TRIO: variants seen among roughly 807,000 people sequenced by gnomAD.
TRIO encodes trio Rho guanine nucleotide exchange factor, also known as triple functional domain protein.
TRIO carries 58 observed loss-of-function variants against 351.9 expected under a neutral mutation model. The observed-to-expected ratio is 0.16, with a 90% CI of 0.13 to 0.21. The LOEUF (loss-of-function observed/expected upper bound fraction) is 0.21. Ranked by LOEUF, TRIO falls within the 10% of genes least tolerant of loss-of-function variation. The pLI is 1.00. For synonymous variants in TRIO, 1,758 were observed against 1,595.7 expected, an observed-to-expected ratio of 1.10 and a Z score of -2.42; for missense variants, 3,201 against 4,027.8, an observed-to-expected ratio of 0.79 and a Z score of 5.56.
At chr5:14,201,121 G>A (rs1249581736) in intron 1 of TRIO, among the ~76,000 whole-genome samples, 1 of 151,994 alleles carries the variant, frequency 6.6e-6, no homozygotes, top group Non-Finnish European at 1.5e-5. Flanking sequence ...TTAGCCGGGC[G>A]TTGTGCCACG....
chr5:14,462,942 G>A lies in TRIO; in HGVS notation c.5667+17G>A. On this transcript the variant is annotated intron_variant, in intron 36 of 56. Coordinates refer to ENST00000344204, the MANE Select transcript of TRIO (RefSeq NM_007118.4). Reference sequence around the variant, plus strand: ...GATGACAAGGTAAAGGGGGATGAGGGCTGGGGAATCCATGCCTGCCGTGCA... The same window carrying A: ...GATGACAAGGTAAAGGGGGATGAGGACTGGGGAATCCATGCCTGCCGTGCA... 6.4e-7 allele frequency: 1 copy of A among 1,552,132 alleles called. No individual in the cohort carries two copies. The highest frequency in any genetic ancestry group is 2.3e-5 in the East Asian group (1 of 43,642).
intron 11 of TRIO, among the ~76,000 whole-genome samples, chr5:14,337,553 A>G (rs1205205687): frequency 1.3e-5 from 2 of 152,276 alleles, no homozygotes; most frequent in East Asian, 1.9e-4. Context: ...ACTGGGGACT[A>G]TGCACATGGA....
intron 34 of TRIO, among the ~76,000 whole-genome samples, chr5:14,425,955 G>A (rs898894168): frequency 5.9e-5 from 9 of 152,158 alleles, no homozygotes; most frequent in African/African-American, 1.7e-4. Flanking sequence ...AAGACATATG[G>A]TAGTTCTACT....
At chr5:14,318,616 T>C (rs908413819) in intron 9 of TRIO, among the ~76,000 whole-genome samples, 12 of 152,240 alleles carry the variant, frequency 7.9e-5, no homozygotes, top group Admixed American at 7.9e-4. Context: ...AATGTTGTTT[T>C]AGTCCAAGAA....
intron 1 of TRIO, among the ~76,000 whole-genome samples, chr5:14,227,339 G>T (rs370366590): frequency 1.3e-5 from 2 of 152,312 alleles, no homozygotes; most frequent in East Asian, 1.9e-4. Flanking sequence ...AAAACTCGAC[G>T]TTTGTGATAA....
chr5:14,152,733 T>C (rs1787911465), intron 1 of TRIO, among the ~76,000 whole-genome samples: 2 of 152,186 alleles, frequency 1.3e-5, no homozygotes, highest in African/African-American at 4.8e-5. Context: ...CTAATATGTC[T>C]TGGGTCCAGG....
intron 34 of TRIO, among the ~76,000 whole-genome samples, chr5:14,457,445 T>C (rs550397491): frequency 7.8e-5 from 11 of 141,772 alleles, no homozygotes; most frequent in Non-Finnish European, 1.1e-4. Flanking sequence ...TTTTAATGCT[T>C]AACCTGCCAG....
chr5:14,505,268 G>T (rs576746123), intron 55 of TRIO, among the ~76,000 whole-genome samples: 2 of 152,240 alleles, frequency 1.3e-5, no homozygotes, highest in African/African-American at 4.8e-5. Flanking sequence ...GGGTGAGTCC[G>T]GCAGGGAGCG....
intron 1 of TRIO, among the ~76,000 whole-genome samples, chr5:14,264,288 AAAAT>A (rs1291243179): frequency 4.6e-5 from 7 of 152,178 alleles, no homozygotes; most frequent in Non-Finnish European, 1.0e-4. Context: ...GAATTAATAA[AAAAT>A]AAACTACTTT....
intron 11 of TRIO, among the ~76,000 whole-genome samples, chr5:14,351,371 A>G (rs1377577333): frequency 6.6e-6 from 1 of 152,200 alleles, no homozygotes; most frequent in Non-Finnish European, 1.5e-5. Flanking sequence ...GTCCTCTGAG[A>G]TTCCACCTGC....
intron 1 of TRIO, among the ~76,000 whole-genome samples, chr5:14,239,560 T>C (rs943482950): frequency 1.3e-5 from 2 of 152,190 alleles, no homozygotes; most frequent in Non-Finnish European, 2.9e-5. Flanking sequence ...TGATCCTCGC[T>C]GACCTCATCA....
intron 1 of TRIO, among the ~76,000 whole-genome samples, chr5:14,149,678 T>G (rs1787712773): frequency 6.6e-6 from 1 of 152,050 alleles, no homozygotes. Context: ...CATACTTGAG[T>G]TTTAGATTAC....
intron 9 of TRIO, among the ~76,000 whole-genome samples, chr5:14,323,273 C>A (rs746360238): frequency 3.3e-5 from 5 of 152,062 alleles, no homozygotes; most frequent in Non-Finnish European, 7.4e-5. Flanking sequence ...CCCTCATTTT[C>A]CAGGTAATAA....
At chr5:14,436,616 T>C (rs183378088) in intron 34 of TRIO, among the ~76,000 whole-genome samples, 2 of 152,324 alleles carry the variant, frequency 1.3e-5, no homozygotes, top group East Asian at 3.9e-4. Flanking sequence ...AAAAGCAGGT[T>C]AGTTACTTCC....
At chr5:14,217,650 A>C (rs1792307097) in intron 1 of TRIO, among the ~76,000 whole-genome samples, 1 of 152,224 alleles carries the variant, frequency 6.6e-6, no homozygotes, top group South Asian at 2.1e-4. Context: ...ATTAATGAGA[A>C]AATGGCTAGG....
chr5:14,503,913 CAG>C (rs1252352993), intron 54 of TRIO, among the ~76,000 whole-genome samples: 1 of 152,218 alleles, frequency 6.6e-6, no homozygotes, highest in Non-Finnish European at 1.5e-5. Context: ...AGTGGGTCAT[CAG>C]GGGCAGCTCC....
intron 34 of TRIO, among the ~76,000 whole-genome samples, chr5:14,438,795 C>T (rs73749246): frequency 2.0e-5 from 3 of 152,252 alleles, no homozygotes; most frequent in Admixed American, 6.5e-5. Flanking sequence ...GCTGGTTCCG[C>T]GTTTCTGTCT....
intron 2 of TRIO, among the ~76,000 whole-genome samples, chr5:14,274,543 C>T (rs1735330544): frequency 1.3e-5 from 2 of 152,114 alleles, no homozygotes; most frequent in Non-Finnish European, 2.9e-5. Context: ...TGATATTCTA[C>T]TTATGTCCTT....
At chr5:14,185,695 G>A (rs559534075) in intron 1 of TRIO, among the ~76,000 whole-genome samples, 1 of 152,354 alleles carries the variant, frequency 6.6e-6, no homozygotes, top group South Asian at 2.1e-4. Flanking sequence ...TGCTAGGAAC[G>A]TGGTGGGTGA....
Sources: gnomAD v4.1 joint callset for allele counts (sites outside exome capture counted in the v4.1 genomes callset) on GRCh38, gnomAD v4.1.1 for gene constraint, MANE v1.5 for transcripts, NCBI Gene and HGNC (gene_info 2026-07-23, HGNC 2026-07-21) for gene names.